The following POLR1A variants were observed in gnomAD, a reference collection of about 807,000 sequenced individuals.
POLR1A encodes DNA-directed RNA polymerase I subunit RPA1.
POLR1A carries 84 observed loss-of-function variants against 205.3 expected under a neutral mutation model. The ratio of observed to expected loss-of-function variants is 0.41; its 90% confidence interval spans 0.34 to 0.49. POLR1A has a LOEUF of 0.49. Among genes scored for constraint, POLR1A ranks in the 20% least tolerant of loss-of-function variants. The probability of loss-of-function intolerance (pLI) is 0.22; values close to 1 mark genes in which losing one functional copy is unlikely to be tolerated. For synonymous variants in POLR1A, 799 were observed against 863.7 expected (o/e 0.93, Z 1.31); for missense variants, 1,645 against 2,204.5 (o/e 0.75, Z 5.08).
intron 3 of POLR1A, among the ~76,000 whole-genome samples, chr2:86,097,098 C>CA (rs761082262): frequency 6.6e-6 from 1 of 150,586 alleles, no homozygotes; most frequent in South Asian, 2.1e-4. Flanking sequence ...TACAAATGGC[C>CA]AACAAATATA....
At chr2:86,040,633 C>T (rs1384294338) in intron 24 of POLR1A, 74 bp from the exon 25 acceptor site, 13 of 1,200,640 alleles carry the variant, frequency 1.1e-5, no homozygotes, top group Non-Finnish European at 1.5e-5. Context: ...ACTGTCAATG[C>T]TGCCCGAAAC....
intron 20 of POLR1A, 97 bp from the exon 21 acceptor site, chr2:86,045,457 G>A: frequency 2.4e-6 from 3 of 1,245,290 alleles, no homozygotes; most frequent in Non-Finnish European, 3.5e-6. Flanking sequence ...TTCCTGACCA[G>A]ACAGGCCACT....
chr2:86,088,362 T>TC (rs1465875051), intron 6 of POLR1A, among the ~76,000 whole-genome samples: 1 of 152,144 alleles, frequency 6.6e-6, no homozygotes, highest in Non-Finnish European at 1.5e-5. Context: ...AAACAGCCCC[T>TC]CCCATCAGCT....
intron 1 of POLR1A, among the ~76,000 whole-genome samples, chr2:86,105,406 A>G (rs1435151336): frequency 6.6e-6 from 1 of 152,170 alleles, no homozygotes; most frequent in Non-Finnish European, 1.5e-5. Flanking sequence ...AATTCCACAA[A>G]TGCTTGTTAG....
intron 16 of POLR1A, among the ~76,000 whole-genome samples, chr2:86,050,013 G>T (rs1447891114): frequency 2.6e-5 from 4 of 152,050 alleles, no homozygotes; most frequent in Non-Finnish European, 5.9e-5. Flanking sequence ...TGCCTCCCAG[G>T]TTCAAGTGAT....
chr2:86,104,883 G>A (rs916010085), intron 1 of POLR1A, among the ~76,000 whole-genome samples: 2 of 152,162 alleles, frequency 1.3e-5, no homozygotes, highest in African/African-American at 4.8e-5. Context: ...ATTTGCGTTG[G>A]GGATTTAAAT....
intron 1 of POLR1A, among the ~76,000 whole-genome samples, chr2:86,103,364 T>C (rs893903566): frequency 6.6e-6 from 1 of 152,018 alleles, no homozygotes; most frequent in Non-Finnish European, 1.5e-5. Context: ...GTAGCCAGAA[T>C]AGAGGTGAGA....
chr2:86,038,003 G>C (rs542332217), intron 27 of POLR1A, among the ~76,000 whole-genome samples: 46 of 152,284 alleles, frequency 3.0e-4, no homozygotes, highest in Admixed American at 5.2e-4. Context: ...ACACTTCACC[G>C]TCTAGGGTTA....
At chr2:86,095,053 ATTCCG>A (rs1243596852) in intron 3 of POLR1A, among the ~76,000 whole-genome samples, 1 of 152,240 alleles carries the variant, frequency 6.6e-6, no homozygotes, top group Non-Finnish European at 1.5e-5. Context: ...GAGCTCTGGT[ATTCCG>A]CACAGGGCTG....
intron 27 of POLR1A, among the ~76,000 whole-genome samples, chr2:86,038,349 C>T (rs1376618515): frequency 1.3e-5 from 2 of 152,234 alleles, no homozygotes; most frequent in African/African-American, 4.8e-5. Flanking sequence ...ATGTGCTGCT[C>T]CGACACCACA....
chr2:86,068,412 A>G (rs1673123882), intron 13 of POLR1A, among the ~76,000 whole-genome samples: 1 of 124,648 alleles, frequency 8.0e-6, no homozygotes, highest in Non-Finnish European at 1.6e-5. Context: ...GTGTCGTCCA[A>G]AGCTGCTGGG....
chr2:86,046,116 T>A (rs947585938), intron 19 of POLR1A, among the ~76,000 whole-genome samples: 1 of 152,100 alleles, frequency 6.6e-6, no homozygotes, highest in African/African-American at 2.4e-5. Context: ...TTTATTGCGA[T>A]CCTCACATTC....
Position 86,070,334 on chromosome 2 carries a change from C to G in POLR1A, c.1612-62G>C. ...ACGTCAGTATCACCACGGCTCTTTC[C>G]AAGTGCTCACCTCAGCTTGACCAAG... On this transcript the variant is annotated intron_variant, in intron 12 of 33. Coordinates refer to ENST00000263857, the MANE Select transcript of POLR1A (RefSeq NM_015425.6). This position sits in a 1 kb window ranked among gnomAD's most constrained non-coding sequence, Gnocchi z 4.4. 6.6e-7 allele frequency: 1 copy of G among 1,519,842 alleles called. No homozygotes were observed. The highest frequency in any genetic ancestry group is 8.9e-7 in the Non-Finnish European group (1 of 1,122,584). 94.1% of individuals were successfully genotyped at this position (1,519,842 alleles called of 1,614,324 possible).
rs1690188723 is a variant in POLR1A at position 86,023,389 on chromosome 2, GGACTCT to G, written c.*4028_*4033del. The G allele has an allele frequency of 6.6e-6, 1 of 152,270 alleles. No homozygotes were observed. Among genetic ancestry groups the G allele is most frequent in the East Asian group, 1.9e-4 (1 of 5,180 alleles). 9.4% of individuals were successfully genotyped at this position (152,270 alleles called of 1,614,324 possible). Reference sequence around the variant, plus strand: ...GTCTTTTCTATTTCAAGAGCAGTCTGGACTCTGACAGCCCCTGATTCAGGTGCAAAC... The same window carrying G: ...GTCTTTTCTATTTCAAGAGCAGTCTGGACAGCCCCTGATTCAGGTGCAAAC... On this transcript the variant is annotated 3_prime_UTR_variant, in exon 34 of 34. Coordinates refer to ENST00000263857, the MANE Select transcript of POLR1A (RefSeq NM_015425.6).
chr2:86,062,632 A>C lies in POLR1A; in HGVS notation c.2058+2642T>G, dbSNP rs184584302. Among the ~76,000 whole-genome samples the C allele has an allele frequency of 3.1e-3, 474 of 152,084 alleles. 3 individuals carry two copies. The highest frequency in any genetic ancestry group is 0.01 in the Middle Eastern group (3 of 290). ...AAGAAAAGGGGTCTCAAATTGACTT[A>C]AAGAACTTAAAGAACTAGGAAAAAA... On this transcript the variant is annotated intron_variant, in intron 14 of 33. Coordinates refer to ENST00000263857, the MANE Select transcript of POLR1A (RefSeq NM_015425.6).
intron 6 of POLR1A, among the ~76,000 whole-genome samples, chr2:86,087,574 GCT>G (rs1162489550): frequency 6.6e-6 from 1 of 152,214 alleles, no homozygotes; most frequent in Non-Finnish European, 1.5e-5. Context: ...ACGGAGTCTT[GCT>G]CTGTCACCCA....
chr2:86,040,224 G>C (rs1158853804), intron 25 of POLR1A, 168 bp downstream of exon 25: 1 of 519,834 alleles, frequency 1.9e-6, no homozygotes, highest in Non-Finnish European at 3.2e-6. Flanking sequence ...AAACCAGCTG[G>C]GCTCTGGAAA....
chr2:86,102,871 A>T (rs1673848070), intron 1 of POLR1A, among the ~76,000 whole-genome samples: 1 of 152,090 alleles, frequency 6.6e-6, no homozygotes, highest in African/African-American at 2.4e-5. Context: ...CTGGGCCTGA[A>T]TTTTTTACTG....
At chr2:86,062,548 G>A (rs1449324952) in intron 14 of POLR1A, among the ~76,000 whole-genome samples, 1 of 151,934 alleles carries the variant, frequency 6.6e-6, no homozygotes, top group East Asian at 1.9e-4. Context: ...TAATTTGTGG[G>A]ATGCTACTTA....
Sources: gnomAD v4.1 joint callset for allele counts (sites outside exome capture counted in the v4.1 genomes callset) on GRCh38, gnomAD v4.1.1 for gene constraint, Gnocchi (gnomAD v3.1) non-coding constraint, MANE v1.5 for transcripts, NCBI Gene and HGNC (gene_info 2026-07-23, HGNC 2026-07-21) for gene names.